Variants in SCP2 observed in about 807,000 individuals in gnomAD.
The protein encoded by SCP2 is SCP-2/3-oxoacyl-CoA thiolase.
Under a neutral mutation model 71.4 loss-of-function variants are expected in SCP2, and 48 were observed. The observed-to-expected ratio is 0.67, with a 90% CI of 0.53 to 0.86. The LOEUF (loss-of-function observed/expected upper bound fraction) is 0.86, where lower values mean the gene tolerates loss of function less well. Ranked by LOEUF, SCP2 falls within the 40% of genes least tolerant of loss-of-function variation. The pLI is 0.00. For synonymous variants in SCP2, 220 were observed against 218.1 expected (o/e 1.01, Z -0.08); for missense variants, 560 against 655.6 (o/e 0.85, Z 1.59).
At chr1:53,005,878 GA>G (rs2150216317) in intron 11 of SCP2, among the ~76,000 whole-genome samples, 1 of 152,090 alleles carries the variant, frequency 6.6e-6, no homozygotes, top group African/African-American at 2.4e-5. Flanking sequence ...TAAAAACCTT[GA>G]AAAAAAGATT....
chr1:52,960,506 G>A (rs1303579797), intron 5 of SCP2, among the ~76,000 whole-genome samples: 1,931 of 137,766 alleles, frequency 0.014, 40 homozygotes, highest in African/African-American at 0.05. Context: ...GTGTGTGTGT[G>A]TGTGTGTGTG....
At chr1:52,935,574 T>C (rs532495401) in intron 1 of SCP2, among the ~76,000 whole-genome samples, 1 of 133,670 alleles carries the variant, frequency 7.5e-6, no homozygotes, top group Non-Finnish European at 1.6e-5. Context: ...TCAGCCACAG[T>C]GCGAGACTCA....
chr1:52,972,115 A>C (rs1276328355), intron 6 of SCP2, among the ~76,000 whole-genome samples: 1 of 152,230 alleles, frequency 6.6e-6, no homozygotes, highest in Non-Finnish European at 1.5e-5. Flanking sequence ...TATATAATTT[A>C]AATTGTTATT....
chr1:52,988,746 C>T (rs1298531195), intron 11 of SCP2, among the ~76,000 whole-genome samples: 1 of 149,494 alleles, frequency 6.7e-6, no homozygotes, highest in Non-Finnish European at 1.5e-5. Context: ...AAAGAAGTGG[C>T]ACAATTTCGG....
In SCP2 at chr1:52,978,225, C is replaced by G. The variant is rs756891047; in HGVS notation, c.683C>G (p.Ser228Ter). 5.0e-6 allele frequency: 8 copies of G among 1,613,766 alleles called. No individual in the cohort carries two copies. Among genetic ancestry groups the G allele is most frequent in the Non-Finnish European group, 6.8e-6 (8 of 1,179,970 alleles). ...FLTILQCCPT[S>*]DGAAAAILAS... ...TTTTTACTTCCTCTTAGTCCCACTT[C>G]AGATGGTGCTGCAGCAGCAATTTTG... Residue 228 changes from serine to a stop codon, truncating the protein, a stop_gained, in exon 9 of 16, where the codon TCA becomes TGA. Transcript: ENST00000371514. LOFTEE classifies it high-confidence loss of function.
At chr1:53,026,960 A>C (rs1401402560) in intron 12 of SCP2, among the ~76,000 whole-genome samples, 1 of 114,414 alleles carries the variant, frequency 8.7e-6, no homozygotes, top group African/African-American at 3.6e-5. Context: ...TTTTTTTTTG[A>C]CAGGTTCTCA....
chr1:52,998,073 A>T (rs546669840), intron 11 of SCP2, among the ~76,000 whole-genome samples: 22 of 152,176 alleles, frequency 1.4e-4, no homozygotes, highest in Admixed American at 3.3e-4. Context: ...TTTTCTTTTT[A>T]TCAGTAGTTC....
At chr1:52,947,226 G>A (rs1401222461) in intron 2 of SCP2, among the ~76,000 whole-genome samples, 1 of 111,134 alleles carries the variant, frequency 9.0e-6, no homozygotes, top group African/African-American at 3.5e-5. Flanking sequence ...CAGTGACAGA[G>A]AGAGATGTTG....
intron 7 of SCP2, among the ~76,000 whole-genome samples, chr1:52,975,105 G>GT (rs1657835928): frequency 6.6e-6 from 1 of 151,994 alleles, no homozygotes; most frequent in Non-Finnish European, 1.5e-5. Flanking sequence ...CTGGAGTGCA[G>GT]TGGCGTGATC....
chr1:52,927,565 C>T (rs1652563706), intron 1 of SCP2, 100 bp downstream of exon 1: 2 of 878,156 alleles, frequency 2.3e-6, no homozygotes, highest in Non-Finnish European at 1.8e-6. Flanking sequence ...CTGCTCCGCG[C>T]GTGGGTCATC....
chr1:52,997,201 C>G (rs960168271), intron 11 of SCP2, among the ~76,000 whole-genome samples: 1 of 152,180 alleles, frequency 6.6e-6, no homozygotes, highest in Admixed American at 6.5e-5. Flanking sequence ...GACAGTCTCA[C>G]TCTGTCCCCG....
intron 6 of SCP2, among the ~76,000 whole-genome samples, chr1:52,967,407 A>G (rs1051704331): frequency 1.3e-5 from 2 of 152,044 alleles, no homozygotes; most frequent in Admixed American, 1.3e-4. Flanking sequence ...GAAATTATCC[A>G]CGTCATTTAG....
At chr1:52,985,947 G>GC (rs1453641372) in intron 10 of SCP2, among the ~76,000 whole-genome samples, 1 of 151,468 alleles carries the variant, frequency 6.6e-6, no homozygotes, top group Non-Finnish European at 1.5e-5. Flanking sequence ...TTTTCCCTTG[G>GC]CATTTATCAC....
chr1:52,966,974 G>A (rs1485131413), intron 6 of SCP2, among the ~76,000 whole-genome samples: 1 of 152,070 alleles, frequency 6.6e-6, no homozygotes, highest in African/African-American at 2.4e-5. Context: ...GATTACCTGA[G>A]GTCAGGAGTT....
intron 8 of SCP2, 49 bp downstream of exon 8, chr1:52,976,818 T>TCA: frequency 1.1e-6 from 1 of 928,538 alleles, no homozygotes; most frequent in Non-Finnish European, 1.8e-6. Context: ...ACTGCTGCCC[T>TCA]TCCTGCCACC....
chr1:52,953,636 G>A (rs1184810004), intron 4 of SCP2, among the ~76,000 whole-genome samples: 3 of 152,096 alleles, frequency 2.0e-5, no homozygotes, highest in South Asian at 2.1e-4. Context: ...GTGATTCACC[G>A]CACCTGGCCC....
chr1:53,005,721 T>G (rs949227130), intron 11 of SCP2, among the ~76,000 whole-genome samples: 1 of 152,110 alleles, frequency 6.6e-6, no homozygotes, highest in African/African-American at 2.4e-5. Context: ...GCCTCTTCCC[T>G]CCAAAGGAGC....
intron 12 of SCP2, among the ~76,000 whole-genome samples, chr1:53,027,725 G>A (rs1445054266): frequency 6.6e-6 from 1 of 152,052 alleles, no homozygotes; most frequent in Non-Finnish European, 1.5e-5. Context: ...GGCTGGTCTC[G>A]AACTCCCGAC....
At chr1:52,943,993 T>C in intron 2 of SCP2, 1 of 240,932 alleles carries the variant, frequency 4.2e-6, no homozygotes, top group Non-Finnish European at 8.6e-6. Flanking sequence ...CTAGAGGTGG[T>C]GCTGGTGATA....
Sources: gnomAD v4.1 joint callset for allele counts (sites outside exome capture counted in the v4.1 genomes callset) on GRCh38, gnomAD v4.1.1 for gene constraint, MANE v1.5 for transcripts, NCBI Gene and HGNC (gene_info 2026-07-23, HGNC 2026-07-21) for gene names.